The following ARK2N variants were observed in gnomAD, a reference collection of about 807,000 sequenced individuals.
The protein encoded by ARK2N is arkadia (RNF111) N-terminal like PKA signaling regulator 2N, also known as protein ARK2N.
At chr18:46,250,132 T>C in the ARK2N span, among the ~76,000 whole-genome samples, 1 of 152,204 alleles carries the variant, frequency 6.6e-6, no homozygotes, top group African/African-American at 2.4e-5. Context: ...ATTTCCTCTT[T>C]AGACCTCTGA....
At chr18:46,263,183 A>G in the ARK2N span, 1 of 1,446,090 alleles carries the variant, frequency 6.9e-7, no homozygotes, top group Non-Finnish European at 9.4e-7. Context: ...TGTGACATGG[A>G]AGTTCATTGT....
the ARK2N span, among the ~76,000 whole-genome samples, chr18:46,198,550 A>G: frequency 6.6e-6 from 1 of 152,110 alleles, no homozygotes; most frequent in East Asian, 1.9e-4. Context: ...ACGCAAATGT[A>G]GGTAGATTTT....
chr18:46,242,376 C>T, the ARK2N span, among the ~76,000 whole-genome samples: 1 of 152,082 alleles, frequency 6.6e-6, no homozygotes, highest in Non-Finnish European at 1.5e-5. Context: ...ATGACTTGAC[C>T]GAATAATGCA....
the ARK2N span, among the ~76,000 whole-genome samples, chr18:46,242,157 A>ATGAAATGAATGGC: frequency 1.3e-5 from 2 of 152,148 alleles, no homozygotes; most frequent in African/African-American, 4.8e-5. Context: ...ATCCTTTGGC[A>ATGAAATGAATGGC]ATTAAGTCAT....
At chr18:46,175,112 A>ACCCCCCCCCCCCCCC in the ARK2N span, among the ~76,000 whole-genome samples, 1 of 133,420 alleles carries the variant, frequency 7.5e-6, no homozygotes. Context: ...AAAATTGTCC[A>ACCCCCCCCCCCCCCC]CCCCCCCGCC....
chr18:46,197,880 A>G, the ARK2N span, among the ~76,000 whole-genome samples: 1 of 151,980 alleles, frequency 6.6e-6, no homozygotes, highest in South Asian at 2.1e-4. Context: ...TATATTTTCC[A>G]TCTCATATTT....
At chr18:46,252,552 G>A in the ARK2N span, among the ~76,000 whole-genome samples, 4,340 of 152,164 alleles carry the variant, frequency 0.029, 96 homozygotes, top group Middle Eastern at 0.061. Flanking sequence ...GGGATTACAG[G>A]CATGAGCCAA....
chr18:46,215,151 T>C, the ARK2N span, among the ~76,000 whole-genome samples: 1 of 152,142 alleles, frequency 6.6e-6, no homozygotes, highest in Admixed American at 6.6e-5. Context: ...AAATCCTGTC[T>C]CTACAAAAAA....
At chr18:46,180,162 A>G in the ARK2N span, among the ~76,000 whole-genome samples, 1 of 152,320 alleles carries the variant, frequency 6.6e-6, no homozygotes, top group East Asian at 1.9e-4. Context: ...TCTGTTCAAA[A>G]TAAGGGACCT....
chr18:46,252,535 A>G, the ARK2N span, among the ~76,000 whole-genome samples: 1 of 152,122 alleles, frequency 6.6e-6, no homozygotes, highest in Non-Finnish European at 1.5e-5. Flanking sequence ...TGGCCTCCCA[A>G]AGTGCTGGGA....
the ARK2N span, among the ~76,000 whole-genome samples, chr18:46,200,927 A>G: frequency 1.3e-5 from 2 of 151,226 alleles, no homozygotes; most frequent in East Asian, 3.9e-4. Flanking sequence ...CTACAAATAC[A>G]TGGGTGCTAG....
At chr18:46,223,696 C>G in the ARK2N span, among the ~76,000 whole-genome samples, 16 of 152,236 alleles carry the variant, frequency 1.1e-4, no homozygotes, top group East Asian at 2.9e-3. Flanking sequence ...TTGGTTGATT[C>G]CATCAATCAT....
chr18:46,186,858 CTTT>C, the ARK2N span, among the ~76,000 whole-genome samples: 2 of 129,964 alleles, frequency 1.5e-5, no homozygotes, highest in Non-Finnish European at 1.7e-5. Flanking sequence ...CTTACTACTA[CTTT>C]TTTTTTTTTT....
chr18:46,175,516 CA>C, the ARK2N span, among the ~76,000 whole-genome samples: 1 of 149,782 alleles, frequency 6.7e-6, no homozygotes, highest in Non-Finnish European at 1.5e-5. Flanking sequence ...TTTGGTTTAA[CA>C]AGCATTTTTA....
At chr18:46,246,873 GGAGGTTGCAGT>G in the ARK2N span, among the ~76,000 whole-genome samples, 181 of 151,724 alleles carry the variant, frequency 1.2e-3, no homozygotes, top group African/African-American at 4.2e-3. Flanking sequence ...CCCGGGAGGT[GGAGGTTGCAGT>G]GAGCTGAGAT....
the ARK2N span, among the ~76,000 whole-genome samples, chr18:46,252,428 C>T: frequency 1.3e-5 from 2 of 151,922 alleles, no homozygotes; most frequent in African/African-American, 4.8e-5. Context: ...AGGCATGCCA[C>T]CATGCCCAGC....
At chr18:46,173,613 C>T in the ARK2N span, 2 of 152,298 alleles carry the variant, frequency 1.3e-5, no homozygotes, top group African/African-American at 4.8e-5. Context: ...CAGCTATCGG[C>T]ATCCGCGAAA....
the ARK2N span, among the ~76,000 whole-genome samples, chr18:46,260,545 CAT>C: frequency 6.6e-6 from 1 of 152,168 alleles, no homozygotes; most frequent in Non-Finnish European, 1.5e-5. Context: ...CCATTTGTAA[CAT>C]AACTTCAGAA....
At chr18:46,202,813 AAAAG>A in the ARK2N span, among the ~76,000 whole-genome samples, 6 of 146,830 alleles carry the variant, frequency 4.1e-5, no homozygotes, top group South Asian at 2.1e-4. Context: ...AAAAAAAAAA[AAAAG>A]AAAGAAAAGA....
Sources: allele counts gnomAD v4.1 joint callset (sites outside exome capture counted in the v4.1 genomes callset), GRCh38; gene constraint gnomAD v4.1.1; transcripts MANE v1.5; gene names NCBI Gene and HGNC (gene_info 2026-07-23, HGNC 2026-07-21).